Variants in CSMD2 observed in about 807,000 individuals in gnomAD.
CSMD2 encodes the protein CUB and sushi domain-containing protein 2.
CSMD2 carries 130 observed loss-of-function variants against 398.5 expected under a neutral mutation model. The ratio of observed to expected loss-of-function variants is 0.33; its 90% CI spans 0.28 to 0.38. The LOEUF (loss-of-function observed/expected upper bound fraction) is 0.38, where lower values mean the gene tolerates loss of function less well. Ranked by LOEUF, CSMD2 falls within the 10% of genes least tolerant of loss-of-function variation. The pLI is 1.00. For synonymous variants in CSMD2, 1,828 were observed against 1,908.5 expected, an observed-to-expected ratio of 0.96 and a Z score of 1.10; for missense variants, 3,829 against 4,764.9, an observed-to-expected ratio of 0.80 and a Z score of 5.78.
At chr1:33,614,229 G>A (rs897097074) in intron 40 of CSMD2, among the ~76,000 whole-genome samples, 3 of 148,970 alleles carry the variant, frequency 2.0e-5, no homozygotes, top group South Asian at 2.1e-4. Flanking sequence ...GGTATAATCC[G>A]AGTAATTTCT....
At chr1:34,094,322 C>T (rs1414904497) in intron 1 of CSMD2, among the ~76,000 whole-genome samples, 2 of 152,016 alleles carry the variant, frequency 1.3e-5, no homozygotes, top group Non-Finnish European at 2.9e-5. Flanking sequence ...ATGTAACGAC[C>T]ATCGAGACTA....
intron 25 of CSMD2, among the ~76,000 whole-genome samples, chr1:33,676,982 T>C (rs953579525): frequency 1.2e-4 from 18 of 152,168 alleles, no homozygotes; most frequent in African/African-American, 3.6e-4. Flanking sequence ...AAGACTTACA[T>C]GTTAGACCTA....
chr1:34,094,326 G>A (rs189185832), intron 1 of CSMD2, among the ~76,000 whole-genome samples: 33 of 152,034 alleles, frequency 2.2e-4, no homozygotes, highest in Admixed American at 2.0e-3. Flanking sequence ...AACGACCATC[G>A]AGACTAGGAA....
Position 33,687,593 on chromosome 1 carries a change from TC to T in CSMD2, c.4052+5336del, listed in dbSNP as rs1645100247. On this transcript the variant is annotated intron_variant, in intron 25 of 70. Coordinates refer to ENST00000373381, the MANE Select transcript of CSMD2 (RefSeq NM_001281956.2). ...AAAGCAATATAGAAGCATAATGTAT[TC>T]TGTTTGAAAGAAAGCATAATACATT... 2.0e-5 allele frequency among the ~76,000 whole-genome samples: 3 copies of T among 152,258 alleles called. No individual in the cohort carries two copies. In the South Asian group the frequency reaches 6.2e-4, roughly 32 times the overall value.
Position 33,624,904 on chromosome 1 carries a change from G to T in CSMD2, c.5500+147C>A. On this transcript the variant is annotated intron_variant, in intron 34 of 70. Coordinates refer to ENST00000373381, the MANE Select transcript of CSMD2 (RefSeq NM_001281956.2). This position sits in a 1 kb window ranked among gnomAD's most constrained non-coding sequence, Gnocchi z 4.7. ...CACAGCCCACAGCGCCGGGGACTGG[G>T]GTTGACTGGGACACCCCACCTCAGC... 1 of 908,940 alleles carries T rather than the reference G, an allele frequency of 1.1e-6. No individual in the cohort carries two copies. Among genetic ancestry groups the T allele is most frequent in the Non-Finnish European group, 1.7e-6 (1 of 587,116 alleles). 56.3% of individuals were successfully genotyped at this position (908,940 alleles called of 1,614,324 possible). A position where few individuals can be genotyped will look rare whatever the true frequency, so the allele number is the denominator to read the frequency against.
intron 39 of CSMD2, among the ~76,000 whole-genome samples, chr1:33,616,067 A>C (rs1290859510): frequency 6.6e-6 from 1 of 152,224 alleles, no homozygotes; most frequent in African/African-American, 2.4e-5. Flanking sequence ...AGTAGATATT[A>C]AATAAATGTG....
At chr1:34,151,469 C>T (rs929691189) in intron 1 of CSMD2, among the ~76,000 whole-genome samples, 1 of 152,108 alleles carries the variant, frequency 6.6e-6, no homozygotes, top group African/African-American at 2.4e-5. Flanking sequence ...CAGGAAGAGG[C>T]TCTCACAGAT....
At chr1:33,659,971 T>C (rs1383294272) in intron 26 of CSMD2, among the ~76,000 whole-genome samples, 1 of 152,272 alleles carries the variant, frequency 6.6e-6, no homozygotes, top group African/African-American at 2.4e-5. Flanking sequence ...ATCTTTTTCC[T>C]TCCCAGTTAA....
intron 1 of CSMD2, among the ~76,000 whole-genome samples, chr1:34,095,226 A>C (rs1571100579): frequency 2.6e-5 from 3 of 116,598 alleles, no homozygotes; most frequent in East Asian, 2.5e-4. Context: ...ACAAAGACAC[A>C]ACATACCAGA....
At chr1:34,076,563 A>T (rs181335612) in intron 2 of CSMD2, among the ~76,000 whole-genome samples, 48 of 152,248 alleles carry the variant, frequency 3.2e-4, no homozygotes, top group South Asian at 3.1e-3. Context: ...CCCCTGGGGG[A>T]CAAAACTGCC....
chr1:33,984,762 G>A (rs1364106515), intron 3 of CSMD2, among the ~76,000 whole-genome samples: 5 of 151,986 alleles, frequency 3.3e-5, no homozygotes, highest in African/African-American at 4.8e-5. Context: ...AAGCTTGGGT[G>A]ACAGAGTGAG....
Position 33,614,491 on chromosome 1 carries a change from T to C in CSMD2, c.6133+13A>G, listed in dbSNP as rs753609601. The C allele has an allele frequency of 2.7e-5, 39 of 1,442,698 alleles. No homozygotes were observed. Among genetic ancestry groups the C allele is most frequent in the Non-Finnish European group, 3.8e-5 (39 of 1,023,918 alleles). The allele number at this position is 1,442,698 out of a possible 1,614,324, so 89.4% of individuals were successfully genotyped here. On this transcript the variant is annotated intron_variant, in intron 40 of 70. Transcript: ENST00000373381. Reference sequence around the variant, plus strand: ...CTTGAAGCCTGTCTCCTCTGGGGGCTGCAGAGACTTACCAAAGCCCACGGG... The same window carrying C: ...CTTGAAGCCTGTCTCCTCTGGGGGCCGCAGAGACTTACCAAAGCCCACGGG...
chr1:34,091,374 A>ATACG (rs1221893921), intron 1 of CSMD2, among the ~76,000 whole-genome samples: 1 of 152,196 alleles, frequency 6.6e-6, no homozygotes, highest in African/African-American at 2.4e-5. Flanking sequence ...CAACAGCCCT[A>ATACG]TACGGTAGAT....
intron 3 of CSMD2, among the ~76,000 whole-genome samples, chr1:34,029,758 C>T (rs12030711): frequency 0.11 from 16,349 of 152,276 alleles, 1,289 homozygotes; most frequent in East Asian, 0.33. Context: ...CATAGAGACT[C>T]GCTCGGCTAC....
At position 33,711,994 on chromosome 1, in the gene CSMD2, T is replaced by C. The variant is rs769725181; in HGVS notation, c.3406+2593A>G. ...CAAAGTAACAGGGGAGGTGAACAGA[T>C]GAACTTAGAAGCCAAACACAGGCAC... On this transcript the variant is annotated intron_variant, in intron 21 of 70. Coordinates refer to ENST00000373381, the MANE Select transcript of CSMD2 (RefSeq NM_001281956.2). Among the ~76,000 whole-genome samples, 3 of 152,108 alleles carry C rather than the reference T, an allele frequency of 2.0e-5. No individual in the cohort carries two copies. The South Asian group carries it at 6.2e-4, about 32-fold the overall frequency.
chr1:34,054,880 G>A (rs1008578823), intron 2 of CSMD2, among the ~76,000 whole-genome samples: 2 of 152,188 alleles, frequency 1.3e-5, no homozygotes, highest in Admixed American at 6.5e-5. Flanking sequence ...AAGGAGAGGT[G>A]ATGATTCCAG....
intron 3 of CSMD2, among the ~76,000 whole-genome samples, chr1:33,936,518 G>A (rs1644485181): frequency 6.6e-6 from 1 of 152,206 alleles, no homozygotes; most frequent in Admixed American, 6.5e-5. Flanking sequence ...AAGAACCCGG[G>A]TTCTCATCAG....
chr1:33,547,262 A>G (rs1426696330), intron 56 of CSMD2, among the ~76,000 whole-genome samples: 2 of 152,212 alleles, frequency 1.3e-5, no homozygotes, highest in African/African-American at 2.4e-5. Context: ...AGACAAAGCC[A>G]CAAGATCTAT....
intron 9 of CSMD2, chr1:33,813,081 C>G (rs1032321444): frequency 6.6e-6 from 1 of 152,154 alleles, no homozygotes; most frequent in Non-Finnish European, 1.5e-5. Flanking sequence ...ACACCTCTTC[C>G]GGAAAGTCAG....
Sources: gnomAD v4.1 joint callset for allele counts (sites outside exome capture counted in the v4.1 genomes callset) on GRCh38, gnomAD v4.1.1 for gene constraint, Gnocchi (gnomAD v3.1) non-coding constraint, MANE v1.5 for transcripts, NCBI Gene and HGNC (gene_info 2026-07-23, HGNC 2026-07-21) for gene names.